Variants in ZNF804B observed in about 807,000 individuals in gnomAD.
ZNF804B encodes zinc finger protein 804B.
In ZNF804B, 80 loss-of-function variants were observed where a neutral mutation model predicts 101.4. The observed-to-expected ratio is 0.79, with a 90% CI of 0.66 to 0.95. The LOEUF is 0.95. Among genes scored for constraint, ZNF804B ranks in the 40% least tolerant of loss-of-function variants. The probability of loss-of-function intolerance (pLI) is 0.00; values close to 1 mark genes in which losing one functional copy is unlikely to be tolerated. For synonymous variants in ZNF804B, 622 were observed against 558.8 expected (o/e 1.11, Z -1.59); for missense variants, 1,673 against 1,561.9 (o/e 1.07, Z -1.20).
At chr7:89,259,996 G>T (rs1240653878) in intron 2 of ZNF804B, among the ~76,000 whole-genome samples, 1 of 151,620 alleles carries the variant, frequency 6.6e-6, no homozygotes, top group Admixed American at 6.6e-5. Context: ...AAAATAAAAA[G>T]AGAGAGAGAG....
intron 1 of ZNF804B, among the ~76,000 whole-genome samples, chr7:89,140,685 A>G (rs1408873896): frequency 6.6e-6 from 1 of 152,078 alleles, no homozygotes; most frequent in Non-Finnish European, 1.5e-5. Context: ...GAAGTGAGTT[A>G]TGGCCTTGCT....
intron 1 of ZNF804B, among the ~76,000 whole-genome samples, chr7:89,160,807 A>C (rs1791048157): frequency 6.6e-6 from 1 of 152,170 alleles, no homozygotes; most frequent in Non-Finnish European, 1.5e-5. Flanking sequence ...TAAGAACATC[A>C]TATCATCTAG....
At chr7:88,895,313 A>C (rs915787560) in intron 1 of ZNF804B, among the ~76,000 whole-genome samples, 4 of 152,246 alleles carry the variant, frequency 2.6e-5, no homozygotes, top group African/African-American at 9.6e-5. Flanking sequence ...CTCACTGTTA[A>C]AGTGGGAAGT....
intron 1 of ZNF804B, among the ~76,000 whole-genome samples, chr7:88,923,893 A>G (rs978399385): frequency 6.6e-6 from 1 of 152,160 alleles, no homozygotes; most frequent in Admixed American, 6.6e-5. Flanking sequence ...AATAGAAATA[A>G]TTAAAATATT....
chr7:89,025,622 T>C (rs940174680), intron 1 of ZNF804B, among the ~76,000 whole-genome samples: 8 of 152,138 alleles, frequency 5.3e-5, no homozygotes, highest in African/African-American at 1.7e-4. Flanking sequence ...CTCTTAGCTA[T>C]TGGCATGTTG....
intron 1 of ZNF804B, among the ~76,000 whole-genome samples, chr7:89,053,437 G>A (rs1350721195): frequency 1.3e-5 from 2 of 151,996 alleles, no homozygotes; most frequent in Admixed American, 6.6e-5. Context: ...GTAGACTTGT[G>A]TGAATTTTTT....
At chr7:88,968,246 G>C (rs551802088) in intron 1 of ZNF804B, among the ~76,000 whole-genome samples, 2 of 151,550 alleles carry the variant, frequency 1.3e-5, no homozygotes, top group East Asian at 3.9e-4. Flanking sequence ...TAATACTATT[G>C]TCCTTTTTTA....
intron 1 of ZNF804B, among the ~76,000 whole-genome samples, chr7:89,200,636 C>A (rs1057289681): frequency 6.6e-6 from 1 of 151,968 alleles, no homozygotes; most frequent in Non-Finnish European, 1.5e-5. Flanking sequence ...AAATCATGAA[C>A]AATCTTAGAA....
intron 1 of ZNF804B, among the ~76,000 whole-genome samples, chr7:88,915,264 A>G (rs1010043594): frequency 6.6e-6 from 1 of 152,098 alleles, no homozygotes; most frequent in Non-Finnish European, 1.5e-5. Context: ...ACTGCCTGCC[A>G]ATAGATTTTG....
intron 1 of ZNF804B, among the ~76,000 whole-genome samples, chr7:88,846,439 C>T (rs1484931690): frequency 6.6e-6 from 1 of 152,168 alleles, no homozygotes; most frequent in Non-Finnish European, 1.5e-5. Context: ...AGAAACACCT[C>T]AGGACAAATG....
rs1554340148 is a variant in ZNF804B, at chr7:88,854,476, T to TTTCC, written c.108+94392_108+94393insTTCC. Among the ~76,000 whole-genome samples the TTTCC allele has an allele frequency of 3.1e-4, 15 of 48,762 alleles. No homozygotes were observed. The South Asian group carries it at 7.6e-3, about 25-fold the overall frequency. The allele number at this position is 48,762 out of a possible 152,430, so 32.0% of individuals were successfully genotyped here. ...CTTTCTTTCTTTCTTTCTTTCTTTC[T>TTTCC]CTTTCCTTTCCTTTCCTTTCCTTTC... is the stretch of plus-strand genomic sequence containing the variant. On this transcript the variant is annotated intron_variant, in intron 1 of 3. Transcript: ENST00000333190.
intron 1 of ZNF804B, among the ~76,000 whole-genome samples, chr7:88,893,303 C>G (rs1298685399): frequency 2.0e-5 from 3 of 152,030 alleles, no homozygotes; most frequent in African/African-American, 4.8e-5. Flanking sequence ...TGTCATCTAC[C>G]ATTTTTGGGA....
intron 1 of ZNF804B, among the ~76,000 whole-genome samples, chr7:89,152,452 A>T (rs753063236): frequency 6.6e-6 from 1 of 152,038 alleles, no homozygotes; most frequent in Non-Finnish European, 1.5e-5. Context: ...TTCAATTAAA[A>T]TTAAAACATT....
chr7:89,042,435 C>G (rs1025205753), intron 1 of ZNF804B, among the ~76,000 whole-genome samples: 3 of 152,066 alleles, frequency 2.0e-5, no homozygotes, highest in Non-Finnish European at 4.4e-5. Context: ...GGAACTCACA[C>G]TTAGTATTAG....
At chr7:88,877,062 T>TGAAAAAAAAAATATATATATATATAA (rs1583992424) in intron 1 of ZNF804B, among the ~76,000 whole-genome samples, 1 of 63,152 alleles carries the variant, frequency 1.6e-5, no homozygotes. Context: ...TTTTTTTTTT[T>TGAAAAAAAAAATATATATATATATAA]TTTTTTTTTT....
intron 1 of ZNF804B, among the ~76,000 whole-genome samples, chr7:89,166,864 C>T (rs1253761271): frequency 6.6e-6 from 1 of 152,120 alleles, no homozygotes; most frequent in Non-Finnish European, 1.5e-5. Flanking sequence ...ATTATTACAG[C>T]AGTATGTACG....
intron 2 of ZNF804B, among the ~76,000 whole-genome samples, chr7:89,321,636 AAG>A (rs981324443): frequency 2.2e-4 from 33 of 152,178 alleles, no homozygotes; most frequent in African/African-American, 7.0e-4. Flanking sequence ...AAAAAGAGAA[AAG>A]AGAGAAAAGA....
At chr7:89,271,734 C>G (rs1293614956) in intron 2 of ZNF804B, among the ~76,000 whole-genome samples, 3 of 152,052 alleles carry the variant, frequency 2.0e-5, no homozygotes, top group African/African-American at 7.2e-5. Context: ...TTAATTATTG[C>G]CTCAATTTCA....
intron 1 of ZNF804B, among the ~76,000 whole-genome samples, chr7:88,921,470 A>G (rs1469804548): frequency 6.6e-6 from 1 of 152,154 alleles, no homozygotes; most frequent in African/African-American, 2.4e-5. Context: ...ATTATAAAAC[A>G]TTTCTATTGT....
Sources: allele counts gnomAD v4.1 joint callset (sites outside exome capture counted in the v4.1 genomes callset), GRCh38; gene constraint gnomAD v4.1.1; transcripts MANE v1.5; gene names NCBI Gene and HGNC (gene_info 2026-07-23, HGNC 2026-07-21).